The following ELAPOR2 variants were observed in gnomAD, a reference collection of about 807,000 sequenced individuals.
ELAPOR2 encodes the protein endosome/lysosome-associated apoptosis and autophagy regulator family member 2.
In ELAPOR2, 89 loss-of-function variants were observed where a neutral mutation model predicts 120.7. That is an observed-to-expected ratio of 0.74 (90% CI 0.62 to 0.88). The LOEUF is 0.88. Among genes scored for constraint, ELAPOR2 ranks in the 40% least tolerant of loss-of-function variants. The pLI is 0.00. For synonymous variants in ELAPOR2, 444 were observed against 444.9 expected (o/e 1.00, Z 0.03); for missense variants, 1,134 against 1,251.6 (o/e 0.91, Z 1.42).
chr7:86,974,500 G>C (rs1319833015), intron 1 of ELAPOR2, among the ~76,000 whole-genome samples: 1 of 150,556 alleles, frequency 6.6e-6, no homozygotes, highest in Non-Finnish European at 1.5e-5. Context: ...ATAATACAAA[G>C]GTATATTTAA....
At chr7:87,026,336 A>C (rs1392340339) in intron 1 of ELAPOR2, among the ~76,000 whole-genome samples, 2 of 152,032 alleles carry the variant, frequency 1.3e-5, no homozygotes, top group Non-Finnish European at 2.9e-5. Flanking sequence ...GCCATGGAGA[A>C]TATGTTTACT....
At chr7:87,012,614 A>G (rs1224972260) in intron 1 of ELAPOR2, among the ~76,000 whole-genome samples, 1 of 152,174 alleles carries the variant, frequency 6.6e-6, no homozygotes, top group Non-Finnish European at 1.5e-5. Flanking sequence ...CTGTTCACAT[A>G]CTTTTTAGAA....
intron 1 of ELAPOR2, among the ~76,000 whole-genome samples, chr7:87,054,622 G>C (rs1795208304): frequency 1.3e-5 from 2 of 152,156 alleles, no homozygotes; most frequent in Admixed American, 6.5e-5. Context: ...TGCCCATCAA[G>C]TTCTGAAACA....
intron 1 of ELAPOR2, among the ~76,000 whole-genome samples, chr7:87,005,483 A>T (rs7800658): frequency 4.6e-5 from 7 of 151,922 alleles, no homozygotes; most frequent in African/African-American, 1.7e-4. Context: ...TGAAGGAAAG[A>T]GTATTCAGAA....
At chr7:86,993,221 C>A (rs537944583) in intron 1 of ELAPOR2, among the ~76,000 whole-genome samples, 4 of 107,250 alleles carry the variant, frequency 3.7e-5, no homozygotes, top group African/African-American at 1.6e-4. Context: ...GATGACAGAG[C>A]GAGACTCCAT....
chr7:87,058,389 T>C (rs1375174895), intron 1 of ELAPOR2, among the ~76,000 whole-genome samples: 1 of 152,188 alleles, frequency 6.6e-6, no homozygotes, highest in East Asian at 1.9e-4. Context: ...ATCTATTCCA[T>C]ATATCCTCCC....
chr7:86,975,074 C>G (rs1178287974), intron 1 of ELAPOR2, among the ~76,000 whole-genome samples: 1 of 152,042 alleles, frequency 6.6e-6, no homozygotes, highest in Non-Finnish European at 1.5e-5. Flanking sequence ...AATAGTCAAA[C>G]GAGAGAAAAG....
chr7:87,035,614 C>T (rs1200177897), intron 1 of ELAPOR2, among the ~76,000 whole-genome samples: 1 of 152,124 alleles, frequency 6.6e-6, no homozygotes, highest in Non-Finnish European at 1.5e-5. Context: ...GTCAATATCC[C>T]TCTTCAAATA....
intron 1 of ELAPOR2, among the ~76,000 whole-genome samples, chr7:87,050,594 T>TCTCAGG (rs1795071886): frequency 6.6e-6 from 1 of 152,110 alleles, no homozygotes; most frequent in Non-Finnish European, 1.5e-5. Context: ...AAGTACCCAA[T>TCTCAGG]CTCAGGTACT....
At chr7:87,041,094 C>CA (rs927160412) in intron 1 of ELAPOR2, among the ~76,000 whole-genome samples, 96 of 152,176 alleles carry the variant, frequency 6.3e-4, no homozygotes, top group Middle Eastern at 3.4e-3. Flanking sequence ...GCAAAGCCTC[C>CA]AAGAAATATG....
At chr7:86,940,423 T>A (rs1332304072) in intron 5 of ELAPOR2, among the ~76,000 whole-genome samples, 1 of 152,064 alleles carries the variant, frequency 6.6e-6, no homozygotes, top group African/African-American at 2.4e-5. Flanking sequence ...TTAAAAGGAA[T>A]CCATTTTAGA....
At chr7:86,957,697 A>G (rs1791532429) in intron 2 of ELAPOR2, among the ~76,000 whole-genome samples, 1 of 152,152 alleles carries the variant, frequency 6.6e-6, no homozygotes, top group African/African-American at 2.4e-5. Flanking sequence ...AAAAATATAG[A>G]CAATTAAGAA....
rs1790028406 is a variant in ELAPOR2 at position 86,925,568 on chromosome 7, G to A, written c.1359C>T (p.Ser453=). The stretch of plus-strand genomic sequence containing the variant: ...ACTTTGAATTCCCAACATTGAAGCA[G>A]GAAGTTTTCATGTTGCCAGGAAGGA... ...WNVLPGNMKT[S]CFNVGNSKCD... Residue 453 remains serine, a synonymous_variant, in exon 10 of 22, where the codon TCC becomes TCT. Transcript: ENST00000450689. 6.2e-7 allele frequency: 1 copy of A among 1,611,882 alleles called. No homozygotes were observed. Among genetic ancestry groups the A allele is most frequent in the Non-Finnish European group, 8.5e-7 (1 of 1,178,610 alleles).
intron 1 of ELAPOR2, among the ~76,000 whole-genome samples, chr7:86,973,033 T>C (rs1792157024): frequency 6.6e-6 from 1 of 152,136 alleles, no homozygotes. Flanking sequence ...GTCATCCTCA[T>C]GGCTACTGAC....
intron 8 of ELAPOR2, among the ~76,000 whole-genome samples, chr7:86,937,263 T>C (rs1323358384): frequency 1.3e-5 from 2 of 152,008 alleles, no homozygotes; most frequent in Non-Finnish European, 2.9e-5. Context: ...TTAAAAAAAC[T>C]TAAGGACCTA....
intron 1 of ELAPOR2, among the ~76,000 whole-genome samples, chr7:86,996,965 T>A (rs1488738784): frequency 1.3e-5 from 2 of 152,180 alleles, no homozygotes; most frequent in African/African-American, 2.4e-5. Flanking sequence ...TGAAACTAAC[T>A]TCATCAAAAT....
rs191861373 is a variant in ELAPOR2, at chr7:86,979,864, C to T, written c.190-14840G>A. ...GGAGAGAATACAGTTGTGGGTTCTT[C>T]GTTTCTGTTTCTGGTTGGGCCAGTA... On this transcript the variant is annotated intron_variant, in intron 1 of 21. Coordinates refer to ENST00000450689, the MANE Select transcript of ELAPOR2 (RefSeq NM_001142749.3). Among the ~76,000 whole-genome samples the T allele has an allele frequency of 1.9e-4, 29 of 152,284 alleles. No individual in the cohort carries two copies. In the East Asian group the frequency reaches 2.9e-3, roughly 15 times the overall value.
At chr7:87,011,812 T>C (rs1250647356) in intron 1 of ELAPOR2, among the ~76,000 whole-genome samples, 1 of 152,122 alleles carries the variant, frequency 6.6e-6, no homozygotes, top group African/African-American at 2.4e-5. Context: ...AAAGACAGGG[T>C]CTATATGTTT....
At chr7:87,023,632 G>T (rs974594870) in intron 1 of ELAPOR2, among the ~76,000 whole-genome samples, 4 of 152,108 alleles carry the variant, frequency 2.6e-5, no homozygotes, top group Admixed American at 2.6e-4. Context: ...TGGGATGGCA[G>T]TGAATCTATA....
Sources: gnomAD v4.1 joint callset for allele counts (sites outside exome capture counted in the v4.1 genomes callset) on GRCh38, gnomAD v4.1.1 for gene constraint, MANE v1.5 for transcripts, NCBI Gene and HGNC (gene_info 2026-07-23, HGNC 2026-07-21) for gene names.